The following SKAP2 variants were observed in gnomAD, a reference collection of about 807,000 sequenced individuals.
SKAP2 encodes the protein src kinase-associated phosphoprotein 2.
A neutral mutation model predicts 54.9 loss-of-function variants in SKAP2; 28 were observed. The ratio of observed to expected loss-of-function variants is 0.51; its 90% confidence interval spans 0.38 to 0.70. SKAP2 has a LOEUF of 0.70. SKAP2 is among the 30% of genes least tolerant of loss of function. The pLI, the probability that SKAP2 is intolerant of heterozygous loss-of-function variation, is 0.00. For synonymous variants in SKAP2, 137 were observed against 134.3 expected, an observed-to-expected ratio of 1.02 and a Z score of -0.14; for missense variants, 356 against 424.1, an observed-to-expected ratio of 0.84 and a Z score of 1.41.
chr7:26,701,951 G>C (rs1787036665), intron 9 of SKAP2, among the ~76,000 whole-genome samples: 1 of 151,712 alleles, frequency 6.6e-6, no homozygotes, highest in Admixed American at 6.6e-5. Flanking sequence ...TCTGAAATCT[G>C]CCTTCCTACA....
At chr7:26,764,996 G>C (rs1783016203) in intron 4 of SKAP2, among the ~76,000 whole-genome samples, 1 of 152,200 alleles carries the variant, frequency 6.6e-6, no homozygotes, top group Non-Finnish European at 1.5e-5. Flanking sequence ...TATACACCCA[G>C]TAATGGGATT....
chr7:26,741,572 AAATAAATTAATAAAATG>A (rs1219307637), intron 4 of SKAP2, among the ~76,000 whole-genome samples: 1 of 28,910 alleles, frequency 3.5e-5, no homozygotes, highest in African/African-American at 5.4e-5. Flanking sequence ...ATAAATAAAT[AAATAAATTAATAAAATG>A]AAATAACTAA....
At chr7:26,670,221 C>A (rs774566509) in intron 11 of SKAP2, 29 bp from the exon 12 acceptor site, 2 of 996,946 alleles carry the variant, frequency 2.0e-6, no homozygotes, top group South Asian at 2.5e-5. Flanking sequence ...CAATATTAAC[C>A]TTTAGACTGG....
chr7:26,720,488 AT>A (rs1431595494), intron 9 of SKAP2, among the ~76,000 whole-genome samples: 1 of 152,136 alleles, frequency 6.6e-6, no homozygotes, highest in African/African-American at 2.4e-5. Context: ...TTTATGAATG[AT>A]TTCATTTTTT....
At chr7:26,743,879 T>C (rs1031721445) in intron 4 of SKAP2, among the ~76,000 whole-genome samples, 2 of 152,184 alleles carry the variant, frequency 1.3e-5, no homozygotes, top group Non-Finnish European at 2.9e-5. Context: ...AAGGCAATAG[T>C]GAAATCCAAA....
At chr7:26,682,687 T>C (rs1245079102) in intron 11 of SKAP2, among the ~76,000 whole-genome samples, 1 of 152,172 alleles carries the variant, frequency 6.6e-6, no homozygotes, top group Non-Finnish European at 1.5e-5. Context: ...TTCGATCAGC[T>C]CTCTCCCAAA....
chr7:26,735,943 C>T (rs773436190), intron 6 of SKAP2, among the ~76,000 whole-genome samples: 3 of 151,842 alleles, frequency 2.0e-5, no homozygotes, highest in Non-Finnish European at 4.4e-5. Context: ...GAAAAAAGAA[C>T]CACAAGAAAC....
rs766051939 is a variant in SKAP2, at chr7:26,725,994, A to G, written c.595-8T>C. On this transcript the variant is annotated splice_polypyrimidine_tract_variant and splice_region_variant and intron_variant, in intron 7 of 12. Transcript: ENST00000345317. The stretch of plus-strand genomic sequence containing the variant: ...GGGAGAAGCTGCTGTAAACTAATAT[A>G]AAACAAACAGTAAGAACGAAAATCA... The G allele has an allele frequency of 1.3e-6, 2 of 1,599,502 alleles. No homozygotes were observed. The highest frequency in any genetic ancestry group is 1.7e-6 in the Non-Finnish European group (2 of 1,169,024).
chr7:26,744,642 T>G (rs913490854), intron 4 of SKAP2, among the ~76,000 whole-genome samples: 3 of 152,056 alleles, frequency 2.0e-5, no homozygotes, highest in Non-Finnish European at 4.4e-5. Flanking sequence ...GATTCACAAT[T>G]TTGTCCAGTA....
intron 9 of SKAP2, among the ~76,000 whole-genome samples, chr7:26,714,097 C>CGTT (rs1787373508): frequency 6.6e-6 from 1 of 152,084 alleles, no homozygotes; most frequent in Non-Finnish European, 1.5e-5. Context: ...GGATAGAAAA[C>CGTT]CAAACTGCCT....
chr7:26,761,353 G>A (rs1782925420), intron 4 of SKAP2, among the ~76,000 whole-genome samples: 1 of 152,118 alleles, frequency 6.6e-6, no homozygotes, highest in South Asian at 2.1e-4. Flanking sequence ...ATGATAACTA[G>A]CATTTGAAAA....
chr7:26,743,264 A>G (rs769652040), intron 4 of SKAP2, among the ~76,000 whole-genome samples: 5 of 152,228 alleles, frequency 3.3e-5, no homozygotes, highest in African/African-American at 4.8e-5. Flanking sequence ...AGTAAACGTT[A>G]GCTTTCATTA....
At chr7:26,801,154 C>G (rs1470199986) in intron 4 of SKAP2, among the ~76,000 whole-genome samples, 1 of 152,174 alleles carries the variant, frequency 6.6e-6, no homozygotes, top group Non-Finnish European at 1.5e-5. Context: ...ACAGATCATT[C>G]ATCATGACCA....
intron 4 of SKAP2, among the ~76,000 whole-genome samples, chr7:26,807,780 A>G (rs1279597290): frequency 6.6e-6 from 1 of 152,148 alleles, no homozygotes; most frequent in Non-Finnish European, 1.5e-5. Flanking sequence ...TTCAGCAACC[A>G]CTGTCCTGAT....
At chr7:26,844,194 AATGTTACTTAATGTT>A in intron 3 of SKAP2, 57 bp from the exon 4 acceptor site, 2 of 950,954 alleles carry the variant, frequency 2.1e-6, no homozygotes, top group Non-Finnish European at 3.4e-6. Context: ...CATTTAAAGT[AATGTTACTTAATGTT>A]AATGTTACTT....
intron 4 of SKAP2, among the ~76,000 whole-genome samples, chr7:26,823,605 G>A (rs190440964): frequency 1.1e-3 from 170 of 152,210 alleles, no homozygotes; most frequent in African/African-American, 3.9e-3. Context: ...GATGAGAGCT[G>A]CAGAAGAAAA....
intron 6 of SKAP2, among the ~76,000 whole-genome samples, chr7:26,738,508 T>C (rs533280651): frequency 6.6e-6 from 1 of 152,318 alleles, no homozygotes; most frequent in South Asian, 2.1e-4. Context: ...TCTACAACAG[T>C]AGGCTGGATA....
intron 4 of SKAP2, among the ~76,000 whole-genome samples, chr7:26,747,464 T>C (rs1472916146): frequency 6.6e-6 from 1 of 152,084 alleles, no homozygotes. Context: ...ATCTCCTCCC[T>C]CCTCTGTAAA....
chr7:26,817,623 GTTTA>G (rs1215486086), intron 4 of SKAP2, among the ~76,000 whole-genome samples: 1 of 151,784 alleles, frequency 6.6e-6, no homozygotes, highest in Non-Finnish European at 1.5e-5. Context: ...CATGACACAG[GTTTA>G]TTTCTTTTTA....
Sources: gnomAD v4.1 joint callset for allele counts (sites outside exome capture counted in the v4.1 genomes callset) on GRCh38, gnomAD v4.1.1 for gene constraint, MANE v1.5 for transcripts, NCBI Gene and HGNC (gene_info 2026-07-23, HGNC 2026-07-21) for gene names.